The following CD34 variants were observed in gnomAD, a reference collection of about 807,000 sequenced individuals.
CD34 encodes hematopoietic progenitor cell antigen CD34.
A neutral mutation model predicts 40.1 loss-of-function variants in CD34; 34 were observed. The ratio of observed to expected loss-of-function variants is 0.85; its 90% CI spans 0.65 to 1.13. CD34 has a LOEUF of 1.13. Among genes scored for constraint, CD34 ranks in the 50% most tolerant of loss-of-function variants. The pLI is 0.00. For missense variants in CD34, 426 were observed against 466.9 expected, an observed-to-expected ratio of 0.91 and a Z score of 0.81; for synonymous variants, 209 against 190.0, an observed-to-expected ratio of 1.10 and a Z score of -0.82.
chr1:207,896,454 T>C (rs1231377515), intron 4 of CD34, among the ~76,000 whole-genome samples: 1 of 152,202 alleles, frequency 6.6e-6, no homozygotes, highest in Non-Finnish European at 1.5e-5. Flanking sequence ...TAGCTTACCT[T>C]AAAATTGAAA....
intron 4 of CD34, among the ~76,000 whole-genome samples, 161 bp downstream of exon 4, chr1:207,897,332 C>A (rs1244878564): frequency 6.6e-6 from 1 of 152,066 alleles, no homozygotes; most frequent in Non-Finnish European, 1.5e-5. Context: ...GCCTCTTACT[C>A]CCTAAACAGA....
At chr1:207,906,592 C>T (rs1662386838) in intron 1 of CD34, among the ~76,000 whole-genome samples, 1 of 152,116 alleles carries the variant, frequency 6.6e-6, no homozygotes, top group South Asian at 2.1e-4. Flanking sequence ...CGCCTGTAAT[C>T]CCAACATTTT....
chr1:207,894,275 T>C (rs560702312), intron 4 of CD34, among the ~76,000 whole-genome samples: 1 of 152,144 alleles, frequency 6.6e-6, no homozygotes, highest in Non-Finnish European at 1.5e-5. Flanking sequence ...TTAAAGACAT[T>C]ATACTGAGTG....
At position 207,889,281 on chromosome 1, in the gene CD34, C is replaced by T. The variant is rs1003959376; in HGVS notation, c.755-68G>A. Reference sequence around the variant, plus strand: ...GCTTATCCTGCTCCACCCTCCCATGCTGTTCTAGAAGATGCTCTGATGGCC... The same window carrying T: ...GCTTATCCTGCTCCACCCTCCCATGTTGTTCTAGAAGATGCTCTGATGGCC... On this transcript the variant is annotated intron_variant, in intron 5 of 7. Transcript: ENST00000310833. The T allele has an allele frequency of 1.4e-5, 23 of 1,612,102 alleles. No homozygotes were observed. The Middle Eastern group carries it at 1.8e-3, about 127-fold the overall frequency.
At chr1:207,897,735 T>C (rs955073402) in intron 3 of CD34, among the ~76,000 whole-genome samples, 162 bp from the exon 4 acceptor site, 1 of 152,264 alleles carries the variant, frequency 6.6e-6, no homozygotes, top group Admixed American at 6.5e-5. Flanking sequence ...TAGAGATTTC[T>C]AATAGTCATA....
At chr1:207,887,947 GCATT>G (rs754619438) in intron 7 of CD34, 24 bp from the exon 8 acceptor site, 1 of 1,572,366 alleles carries the variant, frequency 6.4e-7, no homozygotes, top group African/African-American at 1.4e-5. Context: ...AAATAAAGTA[GCATT>G]ATCTGGTAAG....
chr1:207,908,715 G>T (rs2102308224), intron 1 of CD34, among the ~76,000 whole-genome samples: 1 of 152,290 alleles, frequency 6.6e-6, no homozygotes, highest in Non-Finnish European at 1.5e-5. Context: ...CCAGCACTCT[G>T]GCAGTGCTGC....
Position 207,886,300 on chromosome 1 carries a change from C to T in CD34, c.*1438G>A, listed in dbSNP as rs978967247. 1.3e-5 allele frequency: 2 copies of T among 152,246 alleles called. No homozygotes were observed. Among genetic ancestry groups the T allele is most frequent in the African/African-American group, 4.8e-5 (2 of 41,448 alleles). 9.4% of individuals were successfully genotyped at this position (152,246 alleles called of 1,614,324 possible). Reference sequence around the variant, plus strand: ...CCCTCCATTTGGAAGCTCCCTGGTACATTCGGGTCTGCCTTTCTACCACTG... The same window carrying T: ...CCCTCCATTTGGAAGCTCCCTGGTATATTCGGGTCTGCCTTTCTACCACTG... On this transcript the variant is annotated 3_prime_UTR_variant, in exon 8 of 8. Coordinates refer to ENST00000310833, the MANE Select transcript of CD34 (RefSeq NM_001025109.2).
At chr1:207,904,458 G>A (rs1287051697) in intron 1 of CD34, among the ~76,000 whole-genome samples, 1 of 152,196 alleles carries the variant, frequency 6.6e-6, no homozygotes, top group Non-Finnish European at 1.5e-5. Flanking sequence ...AGCCAGACAG[G>A]CCACATTCAA....
chr1:207,902,607 C>T (rs1662294392), intron 1 of CD34, among the ~76,000 whole-genome samples: 1 of 152,208 alleles, frequency 6.6e-6, no homozygotes, highest in Admixed American at 6.5e-5. Flanking sequence ...CCTCTTCGCC[C>T]CCAGCATACT....
At chr1:207,892,510 C>T (rs1381550492) in intron 4 of CD34, among the ~76,000 whole-genome samples, 4 of 151,678 alleles carry the variant, frequency 2.6e-5, no homozygotes, top group African/African-American at 9.7e-5. Context: ...ACCCAGGAGA[C>T]AGAGGTTGCA....
At chr1:207,889,882 G>A (rs546485459) in intron 4 of CD34, 2 of 1,545,638 alleles carry the variant, frequency 1.3e-6, no homozygotes, top group Non-Finnish European at 1.7e-6. Flanking sequence ...TAAAAAAATT[G>A]TCTCGTTGAA....
intron 4 of CD34, among the ~76,000 whole-genome samples, chr1:207,893,979 T>TA (rs1327216757): frequency 2.0e-5 from 3 of 152,218 alleles, no homozygotes; most frequent in Admixed American, 6.5e-5. Context: ...GGTGGGAATG[T>TA]AAAACGGTCT....
chr1:207,897,639 T>C (rs1023733350), intron 3 of CD34, 66 bp from the exon 4 acceptor site: 1 of 1,280,354 alleles, frequency 7.8e-7, no homozygotes, highest in Non-Finnish European at 1.1e-6. Context: ...TCCTCATTTC[T>C]TTCCCAACTT....
At chr1:207,909,837 G>C (rs1168661743) in intron 1 of CD34, among the ~76,000 whole-genome samples, 4 of 152,206 alleles carry the variant, frequency 2.6e-5, no homozygotes, top group Non-Finnish European at 5.9e-5. Flanking sequence ...TTCTCTCAGA[G>C]CTTCCTCCAG....
Position 207,883,374 on chromosome 1 carries a change from GCTGGAAAGGGT to G in CD34, c.*4353_*4363del, listed in dbSNP as rs1661840618. The G allele has an allele frequency of 6.6e-6, 1 of 152,150 alleles. No homozygotes were observed. Among genetic ancestry groups the G allele is most frequent in the Admixed American group, 6.5e-5 (1 of 15,278 alleles). The allele number at this position is 152,150 out of a possible 1,614,324, so 9.4% of individuals were successfully genotyped here. ...CATGACCCAGTCTCAGATCTTCTCA[GCTGGAAAGGGT>G]CCTGCCCACATCTAGATACAAAGCA... On this transcript the variant is annotated 3_prime_UTR_variant, in exon 8 of 8. Coordinates refer to ENST00000310833, the MANE Select transcript of CD34 (RefSeq NM_001025109.2).
intron 6 of CD34, 108 bp downstream of exon 6, chr1:207,889,053 G>C: frequency 1.1e-6 from 1 of 898,506 alleles, no homozygotes; most frequent in Non-Finnish European, 1.9e-6. Context: ...AGAAGACTCA[G>C]AGAAGGATGG....
rs1347021645 is a variant in CD34, at chr1:207,888,912, C to T, written c.808-66G>A. 3 of 1,510,140 alleles carry T rather than the reference C, an allele frequency of 2.0e-6. No individual in the cohort carries two copies. In the East Asian group the frequency reaches 6.8e-5, roughly 34 times the overall value. The allele number at this position is 1,510,140 out of a possible 1,614,324, so 93.5% of individuals were successfully genotyped here. A position where few individuals can be genotyped will look rare whatever the true frequency, so the allele number is the denominator to read the frequency against. ...AAAAGTGGAGCCCAGCCCGCTCCAG[C>T]CCTCTGTGTGTGACTCAACAGTGAA... is the stretch of plus-strand genomic sequence containing the variant. On this transcript the variant is annotated intron_variant, in intron 6 of 7. Transcript: ENST00000310833.
rs1330540477 is a variant in CD34, at chr1:207,883,935, T to G, written c.*3803A>C. Reference sequence around the variant, plus strand: ...TCTATTCTCTACTCAGCAGCCAGCATGATCCTTTTAAAACATAAAGCAGAT... The same window carrying G: ...TCTATTCTCTACTCAGCAGCCAGCAGGATCCTTTTAAAACATAAAGCAGAT... On this transcript the variant is annotated 3_prime_UTR_variant, in exon 8 of 8. Transcript: ENST00000310833. The G allele has an allele frequency of 1.3e-5, 2 of 152,190 alleles. No homozygotes were observed. 9.4% of individuals were successfully genotyped at this position (152,190 alleles called of 1,614,324 possible).
Sources: gnomAD v4.1 joint callset for allele counts (sites outside exome capture counted in the v4.1 genomes callset) on GRCh38, gnomAD v4.1.1 for gene constraint, MANE v1.5 for transcripts, NCBI Gene and HGNC (gene_info 2026-07-23, HGNC 2026-07-21) for gene names.